The following RS1 variants were observed in gnomAD, a reference collection of about 807,000 sequenced individuals.
The protein encoded by RS1 is retinoschisin 1.
In RS1, 2 loss-of-function variants were observed where a neutral mutation model predicts 20.8. The observed-to-expected ratio is 0.10, with a 90% CI of 0.04 to 0.30. RS1 has a LOEUF of 0.30. RS1 is among the 10% of genes least tolerant of loss of function. The probability of loss-of-function intolerance (pLI) is 1.00; values close to 1 mark genes in which losing one functional copy is unlikely to be tolerated. For missense variants in RS1, 151 were observed against 189.8 expected (o/e 0.80, Z 1.20); for synonymous variants, 70 against 75.8 (o/e 0.92, Z 0.40).
At chrX:18,654,168 T>C (rs1284165047) in intron 3 of RS1, among the ~76,000 whole-genome samples, 3 of 93,781 alleles carry the variant, frequency 3.2e-5, no homozygotes, top group South Asian at 1.1e-3. Context: ...TTTTTTTTGG[T>C]GGGGGGGACA....
rs200236257 is a variant in RS1 at position 18,650,442 on chromosome X, C to G, written c.185-3110G>C. On this transcript the variant is annotated intron_variant, in intron 3 of 5. Transcript: ENST00000379984. Reference sequence around the variant, plus strand: ...CTTCTGCTGTGGTGACCCAAAGAAGCCTCACACTCCGTGCGTCCCAAACCG... The same window carrying G: ...CTTCTGCTGTGGTGACCCAAAGAAGGCTCACACTCCGTGCGTCCCAAACCG... 4 of 1,211,841 alleles carry G rather than the reference C, an allele frequency of 3.3e-6. No individual in the cohort carries two copies. The highest frequency in any genetic ancestry group is 3.5e-5 in the South Asian group (2 of 57,008).
chrX:18,656,815 GC>G, intron 2 of RS1, 57 bp from the exon 3 acceptor site: 1 of 989,200 alleles, frequency 1.0e-6, no homozygotes, highest in African/African-American at 1.9e-5. Context: ...AACTGTGGTT[GC>G]CCCCACGGAG....
intron 3 of RS1, among the ~76,000 whole-genome samples, chrX:18,649,041 CAAAA>C (rs746581850): frequency 5.9e-5 from 3 of 50,822 alleles, no homozygotes; most frequent in East Asian, 6.2e-4. Flanking sequence ...GACACTGTCT[CAAAA>C]AAAAAAAAAA....
chrX:18,671,642 C>T (rs745697604), intron 1 of RS1, among the ~76,000 whole-genome samples: 2 of 112,042 alleles, frequency 1.8e-5, no homozygotes, highest in Admixed American at 9.5e-5. Context: ...TAGCATCGTC[C>T]TCCACCGTCA....
At chrX:18,656,511 A>G (rs1193025686) in intron 3 of RS1, 142 bp downstream of exon 3, 13 of 555,618 alleles carry the variant, frequency 2.3e-5, no homozygotes, top group Middle Eastern at 4.1e-4. Context: ...AATAAATAGT[A>G]ATAAATACAC....
Position 18,657,217 on chromosome X carries a change from C to CTTTTTTTTTTT in RS1, c.78+412_78+422dup, listed in dbSNP as rs749358875. Among the ~76,000 whole-genome samples the CTTTTTTTTTTT allele has an allele frequency of 3.0e-3, 198 of 65,120 alleles. 19 individuals are homozygous for CTTTTTTTTTTT. The highest frequency in any genetic ancestry group is 7.5e-3 in the East Asian group (17 of 2,278). 56.5% of individuals were successfully genotyped at this position (65,120 alleles called of 115,157 possible). ...ACAGTCACCATCACCAAAAAAAATA[C>CTTTTTTTTTTT]TTTTTTTTTTTTTTTTTTTTTGAGA... is the stretch of plus-strand genomic sequence containing the variant. On this transcript the variant is annotated intron_variant, in intron 2 of 5. Coordinates refer to ENST00000379984, the MANE Select transcript of RS1 (RefSeq NM_000330.4).
At chrX:18,649,275 G>A (rs958539505) in intron 3 of RS1, among the ~76,000 whole-genome samples, 1 of 111,001 alleles carries the variant, frequency 9.0e-6, no homozygotes, top group African/African-American at 3.3e-5. Flanking sequence ...TCGCTGTGTC[G>A]CACAGGCTGG....
At chrX:18,655,021 T>A (rs193249883) in intron 3 of RS1, among the ~76,000 whole-genome samples, 1 of 62,395 alleles carries the variant, frequency 1.6e-5, no homozygotes, top group African/African-American at 4.6e-5. Flanking sequence ...AAGGCCGGTT[T>A]CATGCAAAAC....
At chrX:18,671,217 A>G (rs1338717227) in intron 1 of RS1, among the ~76,000 whole-genome samples, 1 of 112,054 alleles carries the variant, frequency 8.9e-6, no homozygotes, top group African/African-American at 3.2e-5. Context: ...TTTATTTTCT[A>G]TAACACACAA....
rs2147191132 is a variant in RS1 at position 18,644,457 on chromosome X, G to A, written c.495C>T (p.Tyr165=). 2 of 1,211,635 alleles carry A rather than the reference G, an allele frequency of 1.7e-6. No individual in the cohort carries two copies. The highest frequency in any genetic ancestry group is 2.2e-6 in the Non-Finnish European group (2 of 895,466). ...YRTDERLNWI[Y]YKDQTGNNRV... ...GGTTGTTTCCAGTCTGGTCCTTGTA[G>A]TAAATCCAGTTCAGGCGCTCATCGG... The change falls in exon 5 of 6, where the codon TAC becomes TAT. Residue 165 remains tyrosine (Y), a synonymous_variant. Coordinates refer to ENST00000379984, the MANE Select transcript of RS1 (RefSeq NM_000330.4).
chrX:18,645,904 T>C, intron 4 of RS1: 1 of 1,178,709 alleles, frequency 8.5e-7, no homozygotes, highest in Non-Finnish European at 1.1e-6. Context: ...AACCAAACTC[T>C]GGTCAATGGG....
chrX:18,644,549 C>G lies in RS1; in HGVS notation c.403G>C (p.Gly135Arg). 1 of 1,211,682 alleles carries G rather than the reference C, an allele frequency of 8.3e-7. No individual in the cohort carries two copies. Among genetic ancestry groups the G allele is most frequent in the Non-Finnish European group, 1.1e-6 (1 of 895,367 alleles). The part of the protein sequence containing the change: ...IDLKEIKVIS[G>R]ILTQGRCDID... ...TCACAGCGCCCCTGGGTGAGGATCC[C>G]TGAAATCACTTTGATCTCCTTCAGA... The change falls in exon 5 of 6, where the codon GGG becomes CGG. Residue 135 changes from glycine to arginine, a missense_variant. By Grantham distance (125) the Gly-to-Arg change is moderately radical (BLOSUM62 -2). Transcript: ENST00000379984.
chrX:18,651,163 G>A (rs1928015001), intron 3 of RS1, among the ~76,000 whole-genome samples: 1 of 88,343 alleles, frequency 1.1e-5, no homozygotes, highest in Non-Finnish European at 2.2e-5. Context: ...CAGAGAATGA[G>A]GCCAGCTTCA....
chrX:18,659,925 C>T (rs1240806606), intron 1 of RS1, among the ~76,000 whole-genome samples: 1 of 111,782 alleles, frequency 8.9e-6, no homozygotes, highest in East Asian at 2.8e-4. Context: ...GCCCTATACC[C>T]GGAGGGAAGG....
intron 3 of RS1, among the ~76,000 whole-genome samples, chrX:18,652,420 G>C (rs1245974352): frequency 8.9e-6 from 1 of 112,390 alleles, no homozygotes; most frequent in East Asian, 2.8e-4. Flanking sequence ...TGTAATCCCA[G>C]CACTTTGGGA....
At chrX:18,668,258 A>C (rs1402024393) in intron 1 of RS1, among the ~76,000 whole-genome samples, 2 of 112,410 alleles carry the variant, frequency 1.8e-5, no homozygotes, top group Non-Finnish European at 3.8e-5. Flanking sequence ...AGATTTATGC[A>C]ATATGGGCTC....
chrX:18,660,200 A>T (rs1344011472), intron 1 of RS1, among the ~76,000 whole-genome samples: 2 of 110,403 alleles, frequency 1.8e-5, no homozygotes, highest in Non-Finnish European at 3.8e-5. Context: ...CCTTGAGATA[A>T]GTGAGGAAAA....
chrX:18,666,861 CG>C (rs1347053715), intron 1 of RS1, among the ~76,000 whole-genome samples: 22 of 109,902 alleles, frequency 2.0e-4, no homozygotes, highest in Non-Finnish European at 3.0e-4. Context: ...CTGCCATTTG[CG>C]GGGCGGGCGG....
At position 18,663,032 on chromosome X, in the gene RS1, C is replaced by CTTTTT. The variant is rs55857398; in HGVS notation, c.53-5372_53-5368dup. The stretch of plus-strand genomic sequence containing the variant: ...TTTGGGTTGGTTCCAAGAACAATGA[C>CTTTTT]TTTTTTTTTTTTTTTTTTTTTTTTT... On this transcript the variant is annotated intron_variant, in intron 1 of 5. Transcript: ENST00000379984. Among the ~76,000 whole-genome samples the CTTTTT allele has an allele frequency of 1.4e-3, 102 of 74,740 alleles. 7 individuals carry two copies. The highest frequency in any genetic ancestry group is 6.2e-3 in the African/African-American group (96 of 15,525). 64.9% of individuals were successfully genotyped at this position (74,740 alleles called of 115,157 possible). A position where few individuals can be genotyped will look rare whatever the true frequency, so the allele number is the denominator to read the frequency against.
Sources: allele counts gnomAD v4.1 joint callset (sites outside exome capture counted in the v4.1 genomes callset), GRCh38; gene constraint gnomAD v4.1.1; transcripts MANE v1.5; gene names NCBI Gene and HGNC (gene_info 2026-07-23, HGNC 2026-07-21).